PADI1: variants seen among roughly 807,000 people sequenced by gnomAD.
PADI1 encodes peptidyl arginine deiminase 1.
In PADI1, 65 loss-of-function variants were observed where a neutral mutation model predicts 74.8. The ratio of observed to expected loss-of-function variants is 0.87; its 90% CI spans 0.71 to 1.07. PADI1 has a LOEUF of 1.07. PADI1 is among the 50% of genes least tolerant of loss of function. The pLI is 0.00. For missense variants in PADI1, 943 were observed against 854.0 expected (o/e 1.10, Z -1.30); for synonymous variants, 371 against 336.2 (o/e 1.10, Z -1.13).
chr1:17,225,740 G>A, intron 4 of PADI1, 71 bp from the exon 5 acceptor site: 1 of 1,002,660 alleles, frequency 1.0e-6, no homozygotes, highest in Non-Finnish European at 1.6e-6. Context: ...AGCCCGCCCT[G>A]GCCATGTCTA....
intron 5 of PADI1, 51 bp from the exon 6 acceptor site, chr1:17,225,982 C>A (rs774511855): frequency 1.2e-6 from 2 of 1,611,264 alleles, no homozygotes; most frequent in East Asian, 2.2e-5. Context: ...GGAAGTGGAT[C>A]CTGTTGGTGG....
chr1:17,222,512 A>AC, intron 2 of PADI1, 42 bp downstream of exon 2: 1 of 1,490,142 alleles, frequency 6.7e-7, no homozygotes, highest in Non-Finnish European at 9.3e-7. Flanking sequence ...GGATCTCTCC[A>AC]CCCCCATCCA....
At chr1:17,220,433 A>G (rs1056603589) in intron 1 of PADI1, among the ~76,000 whole-genome samples, 2 of 152,150 alleles carry the variant, frequency 1.3e-5, no homozygotes, top group Non-Finnish European at 2.9e-5. Context: ...GCGGGAGAAT[A>G]TGCAGAAGGA....
intron 1 of PADI1, among the ~76,000 whole-genome samples, chr1:17,218,479 A>T (rs1407667349): frequency 6.6e-6 from 1 of 152,168 alleles, no homozygotes; most frequent in Non-Finnish European, 1.5e-5. Context: ...GAGAGCAAGC[A>T]GAGCCCGTGT....
intron 6 of PADI1, 48 bp from the exon 7 acceptor site, chr1:17,228,577 C>T: frequency 1.3e-6 from 2 of 1,597,492 alleles, no homozygotes; most frequent in Non-Finnish European, 1.7e-6. Context: ...GGGCTTGCAG[C>T]CCCTCACCCC....
At chr1:17,212,191 G>T (rs1373377316) in intron 1 of PADI1, among the ~76,000 whole-genome samples, 1 of 152,212 alleles carries the variant, frequency 6.6e-6, no homozygotes, top group Non-Finnish European at 1.5e-5. Context: ...CAGGAGATTT[G>T]CTGGGCCCTG....
intron 1 of PADI1, among the ~76,000 whole-genome samples, chr1:17,217,393 A>G (rs1455795070): frequency 6.6e-6 from 1 of 152,098 alleles, no homozygotes; most frequent in South Asian, 2.1e-4. Flanking sequence ...CCTTTTCCCC[A>G]GTGACAGTCA....
At chr1:17,206,380 C>T (rs2071682959) in intron 1 of PADI1, among the ~76,000 whole-genome samples, 1 of 152,122 alleles carries the variant, frequency 6.6e-6, no homozygotes. Flanking sequence ...TGGTCTGTGA[C>T]CCCGGTGGCA....
chr1:17,222,204 C>A, intron 1 of PADI1, 86 bp from the exon 2 acceptor site: 1 of 952,598 alleles, frequency 1.0e-6, no homozygotes, highest in Non-Finnish European at 1.6e-6. Context: ...AACGGCCTGG[C>A]AGCCCCAAGC....
intron 1 of PADI1, among the ~76,000 whole-genome samples, chr1:17,206,576 T>G (rs1409920852): frequency 6.6e-6 from 1 of 152,186 alleles, no homozygotes; most frequent in African/African-American, 2.4e-5. Context: ...TGGTTAAGTT[T>G]GAATTTCAGA....
At chr1:17,236,319 G>A (rs2072640074) in intron 11 of PADI1, among the ~76,000 whole-genome samples, 1 of 152,170 alleles carries the variant, frequency 6.6e-6, no homozygotes, top group Non-Finnish European at 1.5e-5. Flanking sequence ...TGTAAAATGG[G>A]GACAGTAATA....
At chr1:17,216,401 G>T (rs909047880) in intron 1 of PADI1, among the ~76,000 whole-genome samples, 1 of 152,012 alleles carries the variant, frequency 6.6e-6, no homozygotes, top group South Asian at 2.1e-4. Flanking sequence ...GAGCTGATGG[G>T]ATTTGCTGAG....
Position 17,229,448 on chromosome 1 carries a change from C to G in PADI1, c.929+397C>G, listed in dbSNP as rs16823998. Among the ~76,000 whole-genome samples, 686 of 152,344 alleles carry G rather than the reference C, an allele frequency of 4.5e-3. 27 individuals carry two copies. The highest frequency in any genetic ancestry group is 0.037 in the Admixed American group (563 of 15,306). ...TGCTATGGACATGGGAACCCAGTCT[C>G]TGCAAGCCCGATCTCACCCAGCTTG... is the stretch of plus-strand genomic sequence containing the variant. On this transcript the variant is annotated intron_variant, in intron 8 of 15. Coordinates refer to ENST00000375471, the MANE Select transcript of PADI1 (RefSeq NM_013358.3).
chr1:17,231,785 A>AT (rs2072495816), intron 10 of PADI1, among the ~76,000 whole-genome samples: 1 of 151,438 alleles, frequency 6.6e-6, no homozygotes, highest in Admixed American at 6.6e-5. Context: ...GTATATATAT[A>AT]TTTTTTATTA....
rs570327620 is a variant in PADI1 at position 17,230,394 on chromosome 1, C to T, written c.1054-178C>T. Among the ~76,000 whole-genome samples, 6 of 152,224 alleles carry T rather than the reference C, an allele frequency of 3.9e-5. No homozygotes were observed. The East Asian group carries it at 5.8e-4, about 15-fold the overall frequency. ...ACTGCTTCCCTCCAAACGCTCTGGT[C>T]CCAGATGAAAGTCCTCTCCTGGCTG... On this transcript the variant is annotated intron_variant, in intron 9 of 15. Coordinates refer to ENST00000375471, the MANE Select transcript of PADI1 (RefSeq NM_013358.3).
intron 1 of PADI1, among the ~76,000 whole-genome samples, chr1:17,210,223 C>T (rs983457839): frequency 5.3e-5 from 8 of 151,750 alleles, no homozygotes; most frequent in African/African-American, 7.3e-5. Flanking sequence ...AGTGGTGTGA[C>T]CATGGCTCAG....
intron 15 of PADI1, 45 bp downstream of exon 15, chr1:17,240,805 C>T (rs933107904): frequency 4.4e-6 from 7 of 1,597,084 alleles, no homozygotes; most frequent in African/African-American, 1.3e-5. Context: ...CTGCGGGGCT[C>T]TGAGAAGAAG....
At chr1:17,213,073 G>A (rs955986749) in intron 1 of PADI1, among the ~76,000 whole-genome samples, 5 of 152,128 alleles carry the variant, frequency 3.3e-5, no homozygotes, top group African/African-American at 7.2e-5. Flanking sequence ...GGGCACACAC[G>A]CACTCATTTT....
Position 17,228,697 on chromosome 1 carries a change from C to G in PADI1, c.725C>G (p.Pro242Arg), listed in dbSNP as rs927819927. ...CTGTCCTATGAAGTTGAGCGACAGC[C>G]AGGGGAGCAGGAGATCAAGTTCTAT... The part of the protein sequence containing the change: ...QCLSYEVERQ[P>R]GEQEIKFYVE... The change falls in exon 7 of 16, where the codon CCA becomes CGA. Residue 242 changes from proline (P) to arginine (R), a missense_variant. Physicochemically the swap from Pro to Arg is moderately radical, Grantham distance 103 (BLOSUM62 -2). Transcript: ENST00000375471. 2 of 1,614,162 alleles carry G rather than the reference C, an allele frequency of 1.2e-6. No homozygotes were observed. The highest frequency in any genetic ancestry group is 1.3e-5 in the African/African-American group (1 of 75,042).
Sources: gnomAD v4.1 joint callset for allele counts (sites outside exome capture counted in the v4.1 genomes callset) on GRCh38, gnomAD v4.1.1 for gene constraint, MANE v1.5 for transcripts, NCBI Gene and HGNC (gene_info 2026-07-23, HGNC 2026-07-21) for gene names.